The following CASS4 variants were observed in gnomAD, a reference collection of about 807,000 sequenced individuals.
CASS4 encodes Cas scaffold protein family member 4.
A neutral mutation model predicts 54.2 loss-of-function variants in CASS4; 22 were observed. The observed-to-expected ratio is 0.41, with a 90% CI of 0.29 to 0.58. The LOEUF is 0.58. Ranked by LOEUF, CASS4 falls within the 20% of genes least tolerant of loss-of-function variation. The pLI is 0.36. For synonymous variants in CASS4, 409 were observed against 391.5 expected (o/e 1.04, Z -0.53); for missense variants, 854 against 986.7 (o/e 0.87, Z 1.80).
intron 1 of CASS4, among the ~76,000 whole-genome samples, chr20:56,436,929 T>C (rs887412952): frequency 6.6e-6 from 1 of 152,106 alleles, no homozygotes; most frequent in Admixed American, 6.5e-5. Context: ...ATTAGGACCA[T>C]CCGACCTCGT....
intron 5 of CASS4, among the ~76,000 whole-genome samples, chr20:56,456,252 C>G (rs1981287809): frequency 6.6e-6 from 1 of 152,090 alleles, no homozygotes; most frequent in Admixed American, 6.6e-5. Flanking sequence ...AAAACTATCT[C>G]CACACATTTC....
chr20:56,445,109 TC>T (rs1980644317), intron 2 of CASS4, among the ~76,000 whole-genome samples: 1 of 143,102 alleles, frequency 7.0e-6, no homozygotes, highest in Non-Finnish European at 1.5e-5. Context: ...AAGATCCATC[TC>T]AAAAAAAAAA....
intron 5 of CASS4, among the ~76,000 whole-genome samples, chr20:56,455,229 TCA>T (rs1170410515): frequency 2.0e-5 from 3 of 152,228 alleles, no homozygotes; most frequent in Non-Finnish European, 2.9e-5. Flanking sequence ...TTACCATTTT[TCA>T]CAGTTTCCTT....
chr20:56,413,672 C>CA (rs35217347), intron 1 of CASS4, among the ~76,000 whole-genome samples: 3,345 of 28,168 alleles, frequency 0.12, 825 homozygotes, highest in East Asian at 0.45. Context: ...GACTCTGTCT[C>CA]AAAAAAAAAA....
intron 2 of CASS4, among the ~76,000 whole-genome samples, chr20:56,443,052 T>C (rs1321101578): frequency 1.4e-5 from 2 of 147,260 alleles, no homozygotes; most frequent in Non-Finnish European, 1.5e-5. Flanking sequence ...TGGGACAGCA[T>C]TTGGAAAGGG....
chr20:56,424,226 T>G (rs1232213577), intron 1 of CASS4, among the ~76,000 whole-genome samples: 1 of 152,234 alleles, frequency 6.6e-6, no homozygotes, highest in Non-Finnish European at 1.5e-5. Flanking sequence ...CAAAGCTGTC[T>G]CAAGTTTAAC....
chr20:56,433,108 G>A (rs939821963), intron 1 of CASS4, among the ~76,000 whole-genome samples: 4 of 152,222 alleles, frequency 2.6e-5, no homozygotes, highest in Admixed American at 1.3e-4. Context: ...TGTGGCCCTC[G>A]CTCTCCTGGA....
chr20:56,455,813 C>T (rs1981264306), intron 5 of CASS4, among the ~76,000 whole-genome samples: 1 of 152,094 alleles, frequency 6.6e-6, no homozygotes, highest in South Asian at 2.1e-4. Context: ...CACCTGTAAT[C>T]CCAGCTACTC....
Position 56,453,121 on chromosome 20 carries a change from T to C in CASS4, c.1945T>C (p.Cys649Arg), listed in dbSNP as rs746506073. ...ELLKKNRANI[C>R]GQNPGPLIPQ... ...ATTAAAGAAAAATAGGGCAAATATC[T>C]GTGGACAGGTGAGTTCAGAGTTCCA... The change falls in exon 5 of 6, where the codon TGT becomes CGT. Residue 649 changes from cysteine (C) to arginine (R), a missense_variant. Coordinates refer to ENST00000679887, the MANE Select transcript of CASS4 (RefSeq NM_020356.4). 1.9e-6 allele frequency: 3 copies of C among 1,610,764 alleles called. No individual in the cohort carries two copies. Among genetic ancestry groups the C allele is most frequent in the Middle Eastern group, 1.7e-4 (1 of 6,056 alleles).
At chr20:56,439,704 G>GAATGAAAACTTTTTTT (rs1367916086) in intron 2 of CASS4, among the ~76,000 whole-genome samples, 1 of 151,974 alleles carries the variant, frequency 6.6e-6, no homozygotes, top group African/African-American at 2.4e-5. Flanking sequence ...AACAAATGCA[G>GAATGAAAACTTTTTTT]AATGAAAACT....
chr20:56,432,889 T>C (rs938022127), intron 1 of CASS4, among the ~76,000 whole-genome samples: 2 of 129,582 alleles, frequency 1.5e-5, no homozygotes, highest in Non-Finnish European at 3.0e-5. Flanking sequence ...CATCCAAAAG[T>C]GTGGGCAGGG....
chr20:56,452,690 G>A lies in CASS4; in HGVS notation c.1514G>A (p.Cys505Tyr), dbSNP rs1981092011. Reference protein sequence around the residue: ...DFARGVHGTACNLTDSNLQNR... With the variant: ...DFARGVHGTAYNLTDSNLQNR... ...GCCCGAGGAGTCCATGGGACTGCCT[G>A]TAACCTCACTGACAGTAACCTTCAG... Residue 505 changes from cysteine (C) to tyrosine (Y), a missense_variant, in exon 5 of 6, where the codon TGT becomes TAT. Coordinates refer to ENST00000679887, the MANE Select transcript of CASS4 (RefSeq NM_020356.4). The A allele has an allele frequency of 6.2e-7, 1 of 1,614,052 alleles. No individual in the cohort carries two copies. The highest frequency in any genetic ancestry group is 8.5e-7 in the Non-Finnish European group (1 of 1,180,052).
In CASS4 at chr20:56,437,494, C is replaced by A. The variant is rs757310195; in HGVS notation, c.367C>A (p.Pro123Thr). The A allele has an allele frequency of 1.9e-6, 3 of 1,608,458 alleles. No individual in the cohort carries two copies. Among genetic ancestry groups the A allele is most frequent in the East Asian group, 4.5e-5 (2 of 44,816 alleles). The stretch of plus-strand genomic sequence containing the variant: ...GCAGATGAGGAGTTGGGCGGAGGGG[C>A]CCCAGCCCCCTACTGCCCAAGTCTA... The part of the protein sequence containing the change: ...YEQMRSWAEG[P>T]QPPTAQVYEF... Residue 123 changes from proline (P) to threonine (T), a missense_variant, in exon 2 of 6, where the codon CCC becomes ACC. Physicochemically the swap from Pro to Thr is conservative, Grantham distance 38. Transcript: ENST00000679887. The surrounding 1 kb of genome is among the most constrained non-coding windows in gnomAD (Gnocchi z 4.7).
chr20:56,417,873 G>A (rs1304904532), intron 1 of CASS4, among the ~76,000 whole-genome samples: 1 of 152,236 alleles, frequency 6.6e-6, no homozygotes, highest in Non-Finnish European at 1.5e-5. Context: ...ATGGTCAGAT[G>A]TTGCCTTAGA....
chr20:56,458,671 C>T lies in CASS4; in HGVS notation c.2285C>T (p.Ala762Val). ...GCCGTGCTCACGTACCCCAGCCCTG[C>T]CGCGCTGGGGCACCTCCAGGCGGAG... ...KNAVLTYPSP[A>V]ALGHLQAEAE... The change falls in exon 6 of 6, where the codon GCC becomes GTC. Residue 762 changes from alanine to valine, a missense_variant. Physicochemically the swap from Ala to Val is moderately conservative, Grantham distance 64. Transcript: ENST00000679887. 1 of 1,612,914 alleles carries T rather than the reference C, an allele frequency of 6.2e-7. No individual in the cohort carries two copies. The highest frequency in any genetic ancestry group is 8.5e-7 in the Non-Finnish European group (1 of 1,179,700).
intron 1 of CASS4, among the ~76,000 whole-genome samples, chr20:56,422,860 T>C (rs1979472970): frequency 6.6e-6 from 1 of 152,242 alleles, no homozygotes; most frequent in African/African-American, 2.4e-5. Context: ...TTTCTTTTTC[T>C]CTCATATCCC....
intron 1 of CASS4, among the ~76,000 whole-genome samples, chr20:56,429,692 A>G (rs543844152): frequency 3.9e-5 from 6 of 152,048 alleles, no homozygotes; most frequent in Admixed American, 1.3e-4. Flanking sequence ...CTCTGCCTGA[A>G]TGCTCTTTAT....
chr20:56,443,469 C>CTAAAAAAAAAAAAAAAA (rs1980554990), intron 2 of CASS4, among the ~76,000 whole-genome samples: 1 of 115,228 alleles, frequency 8.7e-6, no homozygotes. Context: ...ACTCCGTCTC[C>CTAAAAAAAAAAAAAAAA]AAAAAAAAAA....
intron 1 of CASS4, among the ~76,000 whole-genome samples, chr20:56,426,801 C>T (rs1305982229): frequency 6.6e-6 from 1 of 152,132 alleles, no homozygotes; most frequent in Non-Finnish European, 1.5e-5. Flanking sequence ...TGGTCTCAAA[C>T]TCCTGAGTTC....
Sources: gnomAD v4.1 joint callset for allele counts (sites outside exome capture counted in the v4.1 genomes callset) on GRCh38, gnomAD v4.1.1 for gene constraint, Gnocchi (gnomAD v3.1) non-coding constraint, MANE v1.5 for transcripts, NCBI Gene and HGNC (gene_info 2026-07-23, HGNC 2026-07-21) for gene names.